Variants in MITF observed in about 807,000 individuals in gnomAD.
MITF encodes the protein melanocyte inducing transcription factor.
In MITF, 17 loss-of-function variants were observed where a neutral mutation model predicts 60.5. That is an observed-to-expected ratio of 0.28 (90% CI 0.19 to 0.42). The LOEUF is 0.42. Among genes scored for constraint, MITF ranks in the 10% least tolerant of loss-of-function variants. The pLI, the probability that MITF is intolerant of heterozygous loss-of-function variation, is 1.00. For synonymous variants in MITF, 260 were observed against 248.5 expected, an observed-to-expected ratio of 1.05 and a Z score of -0.43; for missense variants, 622 against 683.5, an observed-to-expected ratio of 0.91 and a Z score of 1.00.
At chr3:69,749,554 T>G (rs1036094900) in intron 1 of MITF, among the ~76,000 whole-genome samples, 57 of 152,346 alleles carry the variant, frequency 3.7e-4, no homozygotes, top group Non-Finnish European at 5.4e-4. Context: ...GGTCATTTAC[T>G]TTCAAGGGAA....
chr3:69,777,535 G>T (rs1334174908), intron 1 of MITF, among the ~76,000 whole-genome samples: 1 of 152,250 alleles, frequency 6.6e-6, no homozygotes, highest in South Asian at 2.1e-4. Flanking sequence ...GAGTAGCATT[G>T]GTCCTGAAGT....
chr3:69,836,700 T>G lies in MITF; in HGVS notation c.105-42434T>G, dbSNP rs144033209. On this transcript the variant is annotated intron_variant, in intron 1 of 9. Transcript: ENST00000352241. The stretch of plus-strand genomic sequence containing the variant: ...GATAACAGTCAAATTTTGAAACTGC[T>G]CTTTTCAGCTTTTCAGTACATTGTG... Among the ~76,000 whole-genome samples the G allele has an allele frequency of 2.0e-3, 312 of 152,354 alleles. 3 individuals carry two copies. The highest frequency in any genetic ancestry group is 6.6e-3 in the African/African-American group (276 of 41,590).
intron 1 of MITF, chr3:69,763,860 A>T: frequency 7.3e-7 from 1 of 1,374,360 alleles, no homozygotes; most frequent in East Asian, 3.5e-5. Context: ...CCTTGAAAAT[A>T]CTTCAGTGGT....
chr3:69,839,128 T>C (rs554122203), intron 1 of MITF, among the ~76,000 whole-genome samples: 1 of 152,236 alleles, frequency 6.6e-6, no homozygotes, highest in African/African-American at 2.4e-5. Flanking sequence ...ATGTCATGCA[T>C]CAGTCAATGT....
intron 2 of MITF, among the ~76,000 whole-genome samples, chr3:69,895,985 G>A (rs773890540): frequency 1.3e-5 from 2 of 149,770 alleles, no homozygotes; most frequent in Middle Eastern, 3.4e-3. Flanking sequence ...TCCCTCCCTC[G>A]CTCACTCCTT....
At chr3:69,740,745 A>T (rs1408934705) in intron 1 of MITF, among the ~76,000 whole-genome samples, 1 of 152,196 alleles carries the variant, frequency 6.6e-6, no homozygotes, top group Admixed American at 6.5e-5. Flanking sequence ...GGATAAGGCT[A>T]TCATTGGAAG....
At chr3:69,804,648 TATG>T (rs1176881625) in intron 1 of MITF, among the ~76,000 whole-genome samples, 7 of 152,354 alleles carry the variant, frequency 4.6e-5, no homozygotes, top group African/African-American at 1.7e-4. Context: ...GCTTTTGTGA[TATG>T]AGAGCAAGTG....
intron 9 of MITF, among the ~76,000 whole-genome samples, chr3:69,960,325 T>C (rs2066508562): frequency 6.6e-6 from 1 of 152,188 alleles, no homozygotes; most frequent in South Asian, 2.1e-4. Context: ...CTATACACCA[T>C]TAGAAGAAGA....
At position 69,965,183 on chromosome 3, in the gene MITF, G is replaced by T; in HGVS notation, c.1516G>T (p.Gly506Ter). Residue 506 changes from glycine to a stop codon, truncating the protein, a stop_gained, in exon 10 of 10, where the codon GGA (glycine) becomes TGA (stop). Transcript: ENST00000352241. LOFTEE classifies it high-confidence loss of function. ...TDPLLSSVSP[G>*]ASKTSSRRSS... Reference sequence around the variant, plus strand: ...TCCACTCCTTTCCTCAGTGTCCCCCGGAGCTTCCAAAACAAGCAGCCGGAG... The same window carrying T: ...TCCACTCCTTTCCTCAGTGTCCCCCTGAGCTTCCAAAACAAGCAGCCGGAG... 1 of 1,613,672 alleles carries T rather than the reference G, an allele frequency of 6.2e-7. No individual in the cohort carries two copies. The highest frequency in any genetic ancestry group is 8.5e-7 in the Non-Finnish European group (1 of 1,179,670).
intron 1 of MITF, chr3:69,769,573 T>C (rs1278597686): frequency 6.6e-6 from 1 of 152,168 alleles, no homozygotes; most frequent in Non-Finnish European, 1.5e-5. Context: ...ACGGGAGTTT[T>C]GACCTGTTCC....
intron 1 of MITF, among the ~76,000 whole-genome samples, chr3:69,778,006 C>A (rs1232548155): frequency 6.6e-6 from 1 of 151,914 alleles, no homozygotes; most frequent in African/African-American, 2.4e-5. Context: ...ACAAAGAAAA[C>A]CAATAAGGAG....
rs1217631745 is a variant in MITF at position 69,870,424 on chromosome 3, G to GTA, written c.105-8694_105-8693dup. 1.7e-3 allele frequency among the ~76,000 whole-genome samples: 244 copies of GTA among 145,178 alleles called. 2 individuals carry two copies. Among genetic ancestry groups the GTA allele is most frequent in the Non-Finnish European group, 2.3e-3 (155 of 66,700 alleles). On this transcript the variant is annotated intron_variant, in intron 1 of 9. Coordinates refer to ENST00000352241, the MANE Select transcript of MITF (RefSeq NM_001354604.2). Reference sequence around the variant, plus strand: ...TATATGTGTATATATATATGTGTGTGTATATATATATATATATTTTTTTTT... The same window carrying GTA: ...TATATGTGTATATATATATGTGTGTGTATATATATATATATATATTTTTTTTT...
At chr3:69,819,921 C>T (rs1430346373) in intron 1 of MITF, among the ~76,000 whole-genome samples, 1 of 152,134 alleles carries the variant, frequency 6.6e-6, no homozygotes, top group Admixed American at 6.5e-5. Context: ...GCCAAAGTTG[C>T]ACCATTGCAC....
chr3:69,936,947 CTTTTTTTT>C, intron 2 of MITF: 1 of 272,918 alleles, frequency 3.7e-6, no homozygotes, highest in Non-Finnish European at 6.5e-6. Flanking sequence ...TAGTAGGATT[CTTTTTTTT>C]TTTTTTTTTT....
chr3:69,906,518 C>T (rs2065103681), intron 2 of MITF, among the ~76,000 whole-genome samples: 1 of 152,120 alleles, frequency 6.6e-6, no homozygotes, highest in Non-Finnish European at 1.5e-5. Context: ...CATGATTTGT[C>T]ATTCTACTAG....
intron 1 of MITF, among the ~76,000 whole-genome samples, chr3:69,813,505 C>T (rs886183613): frequency 3.3e-5 from 5 of 152,162 alleles, no homozygotes; most frequent in Admixed American, 2.0e-4. Flanking sequence ...ACTTTCCTTG[C>T]ATTCCAAACT....
chr3:69,940,989 C>A (rs541604722), intron 4 of MITF, among the ~76,000 whole-genome samples: 18 of 152,290 alleles, frequency 1.2e-4, no homozygotes, highest in Admixed American at 3.3e-4. Context: ...GAACCCAATG[C>A]TTGGCAACTC....
At chr3:69,933,360 A>G (rs1174363827) in intron 2 of MITF, among the ~76,000 whole-genome samples, 2 of 152,164 alleles carry the variant, frequency 1.3e-5, no homozygotes, top group South Asian at 2.1e-4. Flanking sequence ...GGTAGTATCT[A>G]TAGCTACCAT....
chr3:69,871,400 A>T (rs1218685914), intron 1 of MITF, among the ~76,000 whole-genome samples: 1 of 152,204 alleles, frequency 6.6e-6, no homozygotes, highest in Admixed American at 6.5e-5. Context: ...GGTAGTGACA[A>T]CACCATAACC....
Sources: gnomAD v4.1 joint callset for allele counts (sites outside exome capture counted in the v4.1 genomes callset) on GRCh38, gnomAD v4.1.1 for gene constraint, MANE v1.5 for transcripts, NCBI Gene and HGNC (gene_info 2026-07-23, HGNC 2026-07-21) for gene names.